The following SLPI variants were observed in gnomAD, a reference collection of about 807,000 sequenced individuals.
SLPI encodes the protein antileukoproteinase.
Under a neutral mutation model 14.3 loss-of-function variants are expected in SLPI, and 20 were observed. The ratio of observed to expected loss-of-function variants is 1.40; its 90% confidence interval spans 0.99 to 2.04. The LOEUF is 2.04. SLPI is among the 30% of genes most tolerant of loss of function. The pLI is 0.00. For synonymous variants in SLPI, 68 were observed against 54.8 expected, an observed-to-expected ratio of 1.24 and a Z score of -1.07; for missense variants, 169 against 159.4, an observed-to-expected ratio of 1.06 and a Z score of -0.32.
At chr20:45,254,081 G>A (rs1450510540) in intron 1 of SLPI, among the ~76,000 whole-genome samples, 2 of 152,080 alleles carry the variant, frequency 1.3e-5, no homozygotes, top group Non-Finnish European at 2.9e-5. Context: ...GAGAAGTTGA[G>A]AGCTAAAGCC....
rs144801825 is a variant in SLPI, at chr20:45,254,198, TGAGAGA to T, written c.85+255_85+260del. On this transcript the variant is annotated intron_variant, in intron 1 of 3. Transcript: ENST00000338380. The stretch of plus-strand genomic sequence containing the variant: ...GACAGGTGAAGAAGAAGGCGGAGTA[TGAGAGA>T]GAGAGAGAGAGAGAGAGAGAGAGAG... Among the ~76,000 whole-genome samples the T allele has an allele frequency of 7.7e-3, 1,041 of 135,370 alleles. 11 individuals are homozygous for T. The highest frequency in any genetic ancestry group is 0.023 in the African/African-American group (818 of 35,636). The allele number at this position is 135,370 out of a possible 152,430, so 88.8% of individuals were successfully genotyped here.
At chr20:45,252,827 A>T (rs1984699746) in intron 3 of SLPI, among the ~76,000 whole-genome samples, 175 bp downstream of exon 3, 3 of 152,166 alleles carry the variant, frequency 2.0e-5, no homozygotes, top group African/African-American at 7.2e-5. Flanking sequence ...AGGCGATCCT[A>T]TGGAAATCCT....
chr20:45,254,500 A>T lies in SLPI; in HGVS notation c.44T>A (p.Leu15Gln), dbSNP rs761051053. ...GLFPFLVLLA[L>Q]GTLAPWAVEG... ...CACAGCCCAAGGTGCCAGAGTTCCC[A>T]GGGCAAGCAGCACCAGGAAGGGGAA... Residue 15 changes from leucine to glutamine, a missense_variant, in exon 1 of 4, where the codon CTG (leucine) becomes CAG (glutamine). Leu to Gln is a moderately radical substitution (Grantham distance 113, BLOSUM62 -2). Transcript: ENST00000338380. 3.7e-6 allele frequency: 6 copies of T among 1,614,210 alleles called. No homozygotes were observed. Among genetic ancestry groups the T allele is most frequent in the Non-Finnish European group, 5.1e-6 (6 of 1,180,028 alleles).
chr20:45,254,471 C>T lies in SLPI; in HGVS notation c.73G>A (p.Gly25Ser). 6.2e-7 allele frequency: 1 copy of T among 1,614,166 alleles called. No individual in the cohort carries two copies. Among genetic ancestry groups the T allele is most frequent in the Non-Finnish European group, 8.5e-7 (1 of 1,180,002 alleles). Residue 25 changes from glycine to serine, a missense_variant, in exon 1 of 4, where the codon GGC (glycine) becomes AGC (serine). Physicochemically the swap from Gly to Ser is moderately conservative, Grantham distance 56. Transcript: ENST00000338380. ...LGTLAPWAVE[G>S]SGKSFKAGVC... ...GACTCCAACTTACACTTTCCAGAGC[C>T]TTCCACAGCCCAAGGTGCCAGAGTT...
Position 45,254,531 on chromosome 20 carries a change from C to A in SLPI, c.13G>T (p.Gly5Cys). MKSS[G>C]LFPFLVLLAL... ...AGCAGCACCAGGAAGGGGAAGAGGC[C>A]GCTGGACTTCATGGTGAAGGCAGGA... The change falls in exon 1 of 4, where the codon GGC (glycine) becomes TGC (cysteine). Residue 5 changes from glycine (G) to cysteine (C), a missense_variant. Gly to Cys is a radical substitution (Grantham distance 159, BLOSUM62 -3). Coordinates refer to ENST00000338380, the MANE Select transcript of SLPI (RefSeq NM_003064.4). The A allele has an allele frequency of 6.2e-7, 1 of 1,613,944 alleles. No homozygotes were observed. The highest frequency in any genetic ancestry group is 8.5e-7 in the Non-Finnish European group (1 of 1,179,944).
At chr20:45,253,862 G>T in intron 1 of SLPI, 129 bp from the exon 2 acceptor site, 1 of 752,900 alleles carries the variant, frequency 1.3e-6, no homozygotes, top group Non-Finnish European at 2.2e-6. Flanking sequence ...AGCCCAAAGG[G>T]TCATGCCTGC....
In SLPI at chr20:45,254,555, G is replaced by A; in HGVS notation, c.-12C>T. The stretch of plus-strand genomic sequence containing the variant: ...CCGCTGGACTTCATGGTGAAGGCAG[G>A]AGTGACTCTGATGGCCAATGCCAAA... On this transcript the variant is annotated 5_prime_UTR_variant, in exon 1 of 4. Coordinates refer to ENST00000338380, the MANE Select transcript of SLPI (RefSeq NM_003064.4). The A allele has an allele frequency of 6.2e-7, 1 of 1,612,160 alleles. No homozygotes were observed. Among genetic ancestry groups the A allele is most frequent in the Non-Finnish European group, 8.5e-7 (1 of 1,178,988 alleles).
rs767555517 is a variant in SLPI, at chr20:45,254,439, C to T, written c.85+20G>A. ...CTCTGACCCTGCAGCCCAGATTAGA[C>T]CAGAGTGACTCCAACTTACACTTTC... On this transcript the variant is annotated intron_variant, in intron 1 of 3. Coordinates refer to ENST00000338380, the MANE Select transcript of SLPI (RefSeq NM_003064.4). The T allele has an allele frequency of 6.2e-7, 1 of 1,611,132 alleles. No individual in the cohort carries two copies. The highest frequency in any genetic ancestry group is 8.5e-7 in the Non-Finnish European group (1 of 1,177,390).
rs200555564 is a variant in SLPI at position 45,253,110 on chromosome 20, A to G, written c.286T>C (p.Cys96Arg). ...PGKCPVTYGQCLMLNPPNFCE... is the reference protein window; with the variant it reads ...PGKCPVTYGQRLMLNPPNFCE... The stretch of plus-strand genomic sequence containing the variant: ...AAATTGGGGGGGTTAAGCATCAAAC[A>G]TTGGCCATAAGTCACTGGGCACTTC... The change falls in exon 3 of 4, where the codon TGT becomes CGT. Residue 96 changes from cysteine (C) to arginine (R), a missense_variant. Cys to Arg is a radical substitution (Grantham distance 180). Transcript: ENST00000338380. 93 of 1,613,992 alleles carry G rather than the reference A, an allele frequency of 5.8e-5. No homozygotes were observed. The highest frequency in any genetic ancestry group is 7.0e-5 in the Non-Finnish European group (83 of 1,180,002).
rs1375732546 is a variant in SLPI at position 45,253,070 on chromosome 20, C to A, written c.326G>T (p.Gly109Val). ...LNPPNFCEMD[G>V]QCKRDLKCCM... ...ACACTTCAAGTCACGCTTGCACTGG[C>A]CATCCATCTCACAGAAATTGGGGGG... The change falls in exon 3 of 4, where the codon GGC becomes GTC. Residue 109 changes from glycine to valine, a missense_variant. By Grantham distance (109) the Gly-to-Val change is moderately radical. Transcript: ENST00000338380. 17 of 1,613,730 alleles carry A rather than the reference C, an allele frequency of 1.1e-5. No individual in the cohort carries two copies. The highest frequency in any genetic ancestry group is 1.4e-5 in the Non-Finnish European group (16 of 1,179,670).
At chr20:45,252,475 A>T in intron 3 of SLPI, 56 bp from the exon 4 acceptor site, 2 of 1,593,678 alleles carry the variant, frequency 1.3e-6, no homozygotes, top group South Asian at 2.2e-5. Flanking sequence ...AATCATATCC[A>T]CATCCTTCCT....
chr20:45,252,558 G>C, intron 3 of SLPI, 139 bp from the exon 4 acceptor site: 1 of 821,278 alleles, frequency 1.2e-6, no homozygotes, highest in Middle Eastern at 2.3e-4. Context: ...TTAGTGTCAG[G>C]AGACAAGTCT....
Position 45,252,408 on chromosome 20 carries a change from G to A in SLPI, c.*7C>T. ...AGGACTCCAGAGCCTCCTCCATATG[G>A]CAGGAATCAAGCTGTGAGAGAAAAT... On this transcript the variant is annotated 3_prime_UTR_variant, in exon 4 of 4. Coordinates refer to ENST00000338380, the MANE Select transcript of SLPI (RefSeq NM_003064.4). 1.2e-6 allele frequency: 2 copies of A among 1,613,754 alleles called. No homozygotes were observed. Among genetic ancestry groups the A allele is most frequent in the African/African-American group, 1.3e-5 (1 of 75,038 alleles).
chr20:45,253,182 C>A, intron 2 of SLPI, 31 bp from the exon 3 acceptor site: 1 of 1,607,688 alleles, frequency 6.2e-7, no homozygotes, highest in South Asian at 1.1e-5. Flanking sequence ...CGGTCAGAGG[C>A]CTTGTACTTT....
Position 45,252,366 on chromosome 20 carries a change from C to T in SLPI, c.*49G>A. 6.2e-7 allele frequency: 1 copy of T among 1,607,578 alleles called. No homozygotes were observed. The highest frequency in any genetic ancestry group is 8.5e-7 in the Non-Finnish European group (1 of 1,175,418). On this transcript the variant is annotated 3_prime_UTR_variant, in exon 4 of 4. Coordinates refer to ENST00000338380, the MANE Select transcript of SLPI (RefSeq NM_003064.4). ...GAGCCAAGTCTCAGGGTGGAAAGGA[C>T]CTGGACCACACAGAGCAGGACTCCA...
In SLPI at chr20:45,252,382, C is replaced by G. The variant is rs1984686241; in HGVS notation, c.*33G>C. Reference sequence around the variant, plus strand: ...TGGAAAGGACCTGGACCACACAGAGCAGGACTCCAGAGCCTCCTCCATATG... The same window carrying G: ...TGGAAAGGACCTGGACCACACAGAGGAGGACTCCAGAGCCTCCTCCATATG... On this transcript the variant is annotated 3_prime_UTR_variant, in exon 4 of 4. Coordinates refer to ENST00000338380, the MANE Select transcript of SLPI (RefSeq NM_003064.4). The G allele has an allele frequency of 6.2e-7, 1 of 1,612,202 alleles. No individual in the cohort carries two copies. The highest frequency in any genetic ancestry group is 8.5e-7 in the Non-Finnish European group (1 of 1,178,682).
rs2145610623 is a variant in SLPI, at chr20:45,253,164, G to A, written c.245-13C>T. 6.2e-7 allele frequency: 1 copy of A among 1,613,064 alleles called. No individual in the cohort carries two copies. The highest frequency in any genetic ancestry group is 8.5e-7 in the Non-Finnish European group (1 of 1,179,454). ...GGCTTCCTCCTTGCTGGGTGAGAGT[G>A]AGGCTACCGGTCAGAGGCCTTGTAC... On this transcript the variant is annotated splice_polypyrimidine_tract_variant and intron_variant, in intron 2 of 3. Coordinates refer to ENST00000338380, the MANE Select transcript of SLPI (RefSeq NM_003064.4).
chr20:45,253,695 G>T lies in SLPI; in HGVS notation c.124C>A (p.Gln42Lys), dbSNP rs1264203868. 6.2e-7 allele frequency: 1 copy of T among 1,614,142 alleles called. No individual in the cohort carries two copies. The highest frequency in any genetic ancestry group is 8.5e-7 in the Non-Finnish European group (1 of 1,179,998). ...AGVCPPKKSAQCLRYKKPECQ... is the reference protein window; with the variant it reads ...AGVCPPKKSAKCLRYKKPECQ... ...TCAGGTTTCTTGTATCTAAGGCACT[G>T]GGCAGATTTCTTAGGAGGACAGACT... The change falls in exon 2 of 4, where the codon CAG becomes AAG. Residue 42 changes from glutamine (Q) to lysine (K), a missense_variant. Physicochemically the swap from Gln to Lys is moderately conservative, Grantham distance 53. Coordinates refer to ENST00000338380, the MANE Select transcript of SLPI (RefSeq NM_003064.4).
intron 2 of SLPI, 41 bp downstream of exon 2, chr20:45,253,534 C>T (rs752192360): frequency 3.1e-6 from 5 of 1,590,402 alleles, no homozygotes; most frequent in Non-Finnish European, 4.3e-6. Flanking sequence ...TGCTGTGTCC[C>T]CAGGCTCACT....
Sources: gnomAD v4.1 joint callset for allele counts (sites outside exome capture counted in the v4.1 genomes callset) on GRCh38, gnomAD v4.1.1 for gene constraint, MANE v1.5 for transcripts, NCBI Gene and HGNC (gene_info 2026-07-23, HGNC 2026-07-21) for gene names.